Variants in PTPRN2 observed in about 807,000 individuals in gnomAD.
PTPRN2 encodes receptor-type tyrosine-protein phosphatase N2.
PTPRN2 carries 74 observed loss-of-function variants against 118.8 expected under a neutral mutation model. The observed-to-expected ratio is 0.62, with a 90% confidence interval of 0.52 to 0.76. The LOEUF (loss-of-function observed/expected upper bound fraction) is 0.76. Among genes scored for constraint, PTPRN2 ranks in the 30% least tolerant of loss-of-function variants. PTPRN2 has a pLI of 0.00. For synonymous variants in PTPRN2, 641 were observed against 608.0 expected (o/e 1.05, Z -0.80); for missense variants, 1,481 against 1,394.4 (o/e 1.06, Z -0.99).
In PTPRN2 at chr7:157,843,427, C is replaced by T. The variant is rs182768761; in HGVS notation, c.1788+55246G>A. The stretch of plus-strand genomic sequence containing the variant: ...GGCGTGGGGGTTTATGGGCTGGTTT[C>T]AGTCCATGCCCACTGCCTGGCTGTG... On this transcript the variant is annotated intron_variant, in intron 12 of 22. Transcript: ENST00000389418. 2.4e-3 allele frequency among the ~76,000 whole-genome samples: 362 copies of T among 152,344 alleles called. 1 individual carries two copies. The highest frequency in any genetic ancestry group is 8.3e-3 in the African/African-American group (344 of 41,572).
chr7:157,558,466 G>A (rs76294067), intron 21 of PTPRN2, among the ~76,000 whole-genome samples: 2,774 of 152,330 alleles, frequency 0.018, 41 homozygotes, highest in Non-Finnish European at 0.03. Flanking sequence ...AAGCATGTGC[G>A]GTCAATGGCG....
In PTPRN2 at chr7:158,517,014, G is replaced by C. The variant is rs912615593; in HGVS notation, c.113-27229C>G. Among the ~76,000 whole-genome samples, 4 of 152,190 alleles carry C rather than the reference G, an allele frequency of 2.6e-5. No individual in the cohort carries two copies. The highest frequency in any genetic ancestry group is 4.8e-5 in the African/African-American group (2 of 41,440). ...CCCAGCAGAACCACTCGTGAGTCCT[G>C]TGATTCCTTCCAAACCACTAGACCT... On this transcript the variant is annotated intron_variant, in intron 1 of 22. Transcript: ENST00000389418. This position sits in a 1 kb window ranked among gnomAD's most constrained non-coding sequence, Gnocchi z 5.3.
intron 3 of PTPRN2, among the ~76,000 whole-genome samples, chr7:158,276,571 TCG>T (rs1799019568): frequency 6.7e-6 from 1 of 149,294 alleles, no homozygotes; most frequent in South Asian, 2.1e-4. Flanking sequence ...CCCTGGGCAG[TCG>T]TGGTGACCGC....
intron 2 of PTPRN2, among the ~76,000 whole-genome samples, chr7:158,441,346 ATGG>A (rs1359320778): frequency 8.3e-6 from 1 of 120,584 alleles, no homozygotes; most frequent in Non-Finnish European, 1.7e-5. Flanking sequence ...GTGATCAGTG[ATGG>A]TGGTGATGGT....
At chr7:158,426,004 A>G in intron 2 of PTPRN2, among the ~76,000 whole-genome samples, 1 of 53,824 alleles carries the variant, frequency 1.9e-5, no homozygotes, top group Non-Finnish European at 3.3e-5. Flanking sequence ...ACCGCCGGGA[A>G]AGACGCAGAG....
rs1826953581 is a variant in PTPRN2, at chr7:158,555,912, T to C, written c.112+31646A>G. On this transcript the variant is annotated intron_variant, in intron 1 of 22. Coordinates refer to ENST00000389418, the MANE Select transcript of PTPRN2 (RefSeq NM_002847.5). This position sits in a 1 kb window ranked among gnomAD's most constrained non-coding sequence, Gnocchi z 4.7. ...CACAACATGGCACACACAACACACGTCCCAAAATAAATCTTCACTAGGTAC... is the reference window on the plus strand; with the variant it reads ...CACAACATGGCACACACAACACACGCCCCAAAATAAATCTTCACTAGGTAC... Among the ~76,000 whole-genome samples, 1 of 152,038 alleles carries C rather than the reference T, an allele frequency of 6.6e-6. No individual in the cohort carries two copies.
At chr7:158,233,967 G>A (rs996819665) in intron 3 of PTPRN2, among the ~76,000 whole-genome samples, 1 of 151,964 alleles carries the variant, frequency 6.6e-6, no homozygotes, top group African/African-American at 2.4e-5. Context: ...TACAAAAATC[G>A]AATCAAAATG....
rs1462337320 is a variant in PTPRN2 at position 158,022,393 on chromosome 7, C to T, written c.1723+58905G>A. Among the ~76,000 whole-genome samples the T allele has an allele frequency of 6.6e-6, 1 of 152,168 alleles. No individual in the cohort carries two copies. The highest frequency in any genetic ancestry group is 2.4e-5 in the African/African-American group (1 of 41,456). On this transcript the variant is annotated intron_variant, in intron 11 of 22. Coordinates refer to ENST00000389418, the MANE Select transcript of PTPRN2 (RefSeq NM_002847.5). This position sits in a 1 kb window ranked among gnomAD's most constrained non-coding sequence, Gnocchi z 4.6. ...CCCACTCTCCAGTTCCATGATTTCC[C>T]ACGGTGATTACTGAGGGAAGACCAG...
At chr7:158,347,351 T>A (rs1807587036) in intron 2 of PTPRN2, among the ~76,000 whole-genome samples, 1 of 152,206 alleles carries the variant, frequency 6.6e-6, no homozygotes, top group Admixed American at 6.5e-5. Flanking sequence ...TTGAAGACAC[T>A]GTCCTTTTCC....
At chr7:158,192,302 C>G (rs1250189392) in intron 5 of PTPRN2, 25 bp downstream of exon 5, 1 of 1,446,676 alleles carries the variant, frequency 6.9e-7, no homozygotes, top group South Asian at 1.6e-5. Flanking sequence ...CCAACCCCGG[C>G]CCGGGGAGGA....
rs1413569307 is a variant in PTPRN2, at chr7:157,987,069, C to T, written c.1724-88332G>A. Among the ~76,000 whole-genome samples, 1 of 152,126 alleles carries T rather than the reference C, an allele frequency of 6.6e-6. No homozygotes were observed. The highest frequency in any genetic ancestry group is 1.5e-5 in the Non-Finnish European group (1 of 68,020). On this transcript the variant is annotated intron_variant, in intron 11 of 22. Coordinates refer to ENST00000389418, the MANE Select transcript of PTPRN2 (RefSeq NM_002847.5). The surrounding 1 kb of genome is among the most constrained non-coding windows in gnomAD (Gnocchi z 4.3). ...GGTACACATCTAGGGAGTGATGATC[C>T]CCCTCCACCAGCCAGTGGGGAATGA... is the stretch of plus-strand genomic sequence containing the variant.
chr7:158,071,091 TG>T (rs1448774481), intron 11 of PTPRN2, among the ~76,000 whole-genome samples: 9 of 91,082 alleles, frequency 9.9e-5, no homozygotes, highest in Non-Finnish European at 1.7e-4. Context: ...GTGCCCGTGG[TG>T]GTGGAGGTGC....
intron 9 of PTPRN2, among the ~76,000 whole-genome samples, chr7:158,112,516 G>A (rs1336813851): frequency 6.6e-6 from 1 of 152,152 alleles, no homozygotes. Flanking sequence ...GGAGCCTGGG[G>A]ATCTGGAGGG....
At chr7:158,220,811 C>G (rs1828301180) in intron 3 of PTPRN2, among the ~76,000 whole-genome samples, 1 of 151,070 alleles carries the variant, frequency 6.6e-6, no homozygotes, top group Admixed American at 6.6e-5. Flanking sequence ...CAATGCTATT[C>G]CTATCAAACC....
chr7:157,948,604 C>T (rs549894555), intron 11 of PTPRN2, among the ~76,000 whole-genome samples: 1 of 152,120 alleles, frequency 6.6e-6, no homozygotes, highest in Non-Finnish European at 1.5e-5. Flanking sequence ...CCTTCCTTAA[C>T]AGAAATTACT....
chr7:158,271,620 T>C (rs1327843831), intron 3 of PTPRN2, among the ~76,000 whole-genome samples: 3 of 152,206 alleles, frequency 2.0e-5, no homozygotes, highest in Non-Finnish European at 4.4e-5. Context: ...ACTCACTTGA[T>C]AGGTGTCTCA....
chr7:158,400,604 C>T (rs901389303), intron 2 of PTPRN2, among the ~76,000 whole-genome samples: 8 of 152,160 alleles, frequency 5.3e-5, no homozygotes, highest in Non-Finnish European at 7.3e-5. Context: ...ATCTCAGCTA[C>T]GATTCTCCTT....
chr7:158,327,106 C>G (rs1243275605), intron 2 of PTPRN2, among the ~76,000 whole-genome samples: 1 of 148,452 alleles, frequency 6.7e-6, no homozygotes, highest in Non-Finnish European at 1.5e-5. Flanking sequence ...CTCACCCATG[C>G]ACATTCTCAC....
rs1585114688 is a variant in PTPRN2 at position 157,615,319 on chromosome 7, T to G, written c.2344+6043A>C. 1 of 390,848 alleles carries G rather than the reference T, an allele frequency of 2.6e-6. No individual in the cohort carries two copies. The highest frequency in any genetic ancestry group is 5.4e-6 in the Non-Finnish European group (1 of 186,394). 24.2% of individuals were successfully genotyped at this position (390,848 alleles called of 1,614,324 possible). On this transcript the variant is annotated intron_variant, in intron 15 of 22. Transcript: ENST00000389418. This position sits in a 1 kb window ranked among gnomAD's most constrained non-coding sequence, Gnocchi z 4.3. ...GCGGTGTGCGTGGGTTGCGGCTGGG[T>G]CTGCGCTGGGGTAGTGTAGGCTGCA...
Sources: allele counts gnomAD v4.1 joint callset (sites outside exome capture counted in the v4.1 genomes callset), GRCh38; gene constraint gnomAD v4.1.1; non-coding constraint Gnocchi (gnomAD v3.1); transcripts MANE v1.5; gene names NCBI Gene and HGNC (gene_info 2026-07-23, HGNC 2026-07-21).